XYLT1: variants seen among roughly 807,000 people sequenced by gnomAD.
The protein encoded by XYLT1 is beta-D-xylosyltransferase 1.
In XYLT1, 36 loss-of-function variants were observed where a neutral mutation model predicts 91.3. The observed-to-expected ratio is 0.39, with a 90% CI of 0.30 to 0.52. The LOEUF is 0.52. Among genes scored for constraint, XYLT1 ranks in the 20% least tolerant of loss-of-function variants. The probability of loss-of-function intolerance (pLI) is 0.68; values close to 1 mark genes in which losing one functional copy is unlikely to be tolerated. For missense variants in XYLT1, 1,242 were observed against 1,284.5 expected, an observed-to-expected ratio of 0.97 and a Z score of 0.51; for synonymous variants, 588 against 532.0, an observed-to-expected ratio of 1.11 and a Z score of -1.45.
chr16:17,189,553 G>A (rs1237237018), intron 5 of XYLT1, among the ~76,000 whole-genome samples: 1 of 152,230 alleles, frequency 6.6e-6, no homozygotes, highest in African/African-American at 2.4e-5. Context: ...GCTTTGGGAA[G>A]CTTCAGAATG....
chr16:17,280,987 G>A (rs72779629), intron 2 of XYLT1, among the ~76,000 whole-genome samples: 318 of 152,256 alleles, frequency 2.1e-3, no homozygotes, highest in Non-Finnish European at 3.4e-3. Flanking sequence ...GTGCCCACAC[G>A]GGAGATACTG....
intron 2 of XYLT1, among the ~76,000 whole-genome samples, chr16:17,274,465 G>A (rs913872417): frequency 1.3e-5 from 2 of 152,172 alleles, no homozygotes; most frequent in Admixed American, 6.5e-5. Flanking sequence ...ATGGGGCAGG[G>A]GAAAAGGATA....
Position 17,130,310 on chromosome 16 carries a change from G to GT in XYLT1, c.2028-2450dup, listed in dbSNP as rs545954098. Among the ~76,000 whole-genome samples the GT allele has an allele frequency of 2.2e-3, 334 of 152,318 alleles. 1 individual carries two copies. The highest frequency in any genetic ancestry group is 9.7e-3 in the South Asian group (47 of 4,834). ...CAAAACACTGATTTGGGAGTTGTTT[G>GT]TTTCACAGTGTTATCGTGACAATAG... On this transcript the variant is annotated intron_variant, in intron 9 of 11. Transcript: ENST00000261381.
At chr16:17,211,687 C>T (rs2032760197) in intron 3 of XYLT1, among the ~76,000 whole-genome samples, 1 of 152,192 alleles carries the variant, frequency 6.6e-6, no homozygotes, top group African/African-American at 2.4e-5. Context: ...GTTCTGACGT[C>T]AAATACCATG....
chr16:17,395,714 C>A (rs1164765537), intron 1 of XYLT1, among the ~76,000 whole-genome samples: 1 of 152,196 alleles, frequency 6.6e-6, no homozygotes, highest in Admixed American at 6.5e-5. Context: ...GGAGATCATT[C>A]ACAATATAAA....
At position 17,433,407 on chromosome 16, in the gene XYLT1, A is replaced by G. The variant is rs537516338; in HGVS notation, c.363+37027T>C. ...CAACATCCCCTTTTTGGGAAAAACAATATTTCCAGCAGATGGGAGAATCAT... is the reference window on the plus strand; with the variant it reads ...CAACATCCCCTTTTTGGGAAAAACAGTATTTCCAGCAGATGGGAGAATCAT... On this transcript the variant is annotated intron_variant, in intron 1 of 11. Coordinates refer to ENST00000261381, the MANE Select transcript of XYLT1 (RefSeq NM_022166.4). Among the ~76,000 whole-genome samples, 32 of 152,376 alleles carry G rather than the reference A, an allele frequency of 2.1e-4. No individual in the cohort carries two copies. In the South Asian group the frequency reaches 5.2e-3, roughly 25 times the overall value.
rs1025642590 is a variant in XYLT1 at position 17,312,683 on chromosome 16, A to G, written c.402+45329T>C. Among the ~76,000 whole-genome samples the G allele has an allele frequency of 6.6e-6, 1 of 152,150 alleles. No homozygotes were observed. Among genetic ancestry groups the G allele is most frequent in the Non-Finnish European group, 1.5e-5 (1 of 68,010 alleles). ...TACTCATGTGTGTATCCGTGATTCT[A>G]TTTACTGTTTAATCTTCACAGCAAT... On this transcript the variant is annotated intron_variant, in intron 2 of 11. Coordinates refer to ENST00000261381, the MANE Select transcript of XYLT1 (RefSeq NM_022166.4). This position sits in a 1 kb window ranked among gnomAD's most constrained non-coding sequence, Gnocchi z 4.4.
chr16:17,462,810 A>G (rs1294752687), intron 1 of XYLT1, among the ~76,000 whole-genome samples: 1 of 152,174 alleles, frequency 6.6e-6, no homozygotes, highest in Non-Finnish European at 1.5e-5. Context: ...GCCAATTTCA[A>G]CTTCCATTCT....
In XYLT1 at chr16:17,259,415, A is replaced by T; in HGVS notation, c.486T>A (p.Asn162Lys). Reference sequence around the variant, plus strand: ...TGGGTGCGAAGTTGCTGTTGTCGACATTCTCAAAGTCTTTGGGGACAGAGT... The same window carrying T: ...TGGGTGCGAAGTTGCTGTTGTCGACTTTCTCAAAGTCTTTGGGGACAGAGT... ...NENSVPKDFE[N>K]VDNSNFAPRT... The change falls in exon 3 of 12, where the codon AAT becomes AAA. Residue 162 changes from asparagine to lysine, a missense_variant. Physicochemically the swap from Asn to Lys is moderately conservative, Grantham distance 94. Transcript: ENST00000261381. 6.2e-7 allele frequency: 1 copy of T among 1,614,096 alleles called. No individual in the cohort carries two copies. The highest frequency in any genetic ancestry group is 8.5e-7 in the Non-Finnish European group (1 of 1,180,018).
At chr16:17,376,432 A>G (rs187783384) in intron 1 of XYLT1, among the ~76,000 whole-genome samples, 2 of 152,298 alleles carry the variant, frequency 1.3e-5, no homozygotes. Flanking sequence ...CAGCCACTCA[A>G]ACTAGAAGCC....
intron 1 of XYLT1, among the ~76,000 whole-genome samples, chr16:17,423,194 C>T (rs2036270297): frequency 6.7e-6 from 1 of 148,824 alleles, no homozygotes; most frequent in African/African-American, 2.6e-5. Flanking sequence ...CCCAAGATTC[C>T]ACCCTTAAAC....
In XYLT1 at chr16:17,259,115, C is replaced by A; in HGVS notation, c.786G>T (p.Lys262Asn). The A allele has an allele frequency of 1.3e-6, 2 of 1,574,528 alleles. No homozygotes were observed. The highest frequency in any genetic ancestry group is 1.7e-6 in the Non-Finnish European group (2 of 1,161,306). ...DQPPKCDISG[K>N]EAISALSRAK... ...CACGGGACAGGGCAGAGATGGCCTC[C>A]TTGCCTGAGATGTCACACTTAGGGG... Residue 262 changes from lysine to asparagine, a missense_variant, in exon 3 of 12, where the codon AAG becomes AAT. By Grantham distance (94) the Lys-to-Asn change is moderately conservative. This residue lies in a region of XYLT1 where 437 missense variants were observed against 411.5 expected (regional missense o/e 1.06). Coordinates refer to ENST00000261381, the MANE Select transcript of XYLT1 (RefSeq NM_022166.4).
In XYLT1 at chr16:17,190,348, G is replaced by A. The variant is rs575124340; in HGVS notation, c.1289+7864C>T. ...TTCAGGTACATGTGCACAACATGCAGGTTTGTTACATATGTATACATGTGC... is the reference window on the plus strand; with the variant it reads ...TTCAGGTACATGTGCACAACATGCAAGTTTGTTACATATGTATACATGTGC... On this transcript the variant is annotated intron_variant, in intron 5 of 11. Transcript: ENST00000261381. Among the ~76,000 whole-genome samples the A allele has an allele frequency of 1.6e-4, 25 of 152,096 alleles. No homozygotes were observed. In the South Asian group the frequency reaches 5.0e-3, roughly 30 times the overall value.
intron 2 of XYLT1, among the ~76,000 whole-genome samples, chr16:17,264,401 G>T (rs892671561): frequency 1.3e-5 from 2 of 152,206 alleles, no homozygotes; most frequent in Admixed American, 1.3e-4. Flanking sequence ...GCTGTATGTT[G>T]CAGGATTTTC....
In XYLT1 at chr16:17,200,747, T is replaced by C; in HGVS notation, c.914-93A>G. ...TTTCTCTGGTGCTTCTTTTGGGGAC[T>C]ATTTTAGGGGCACAGTCATCAAATT... On this transcript the variant is annotated intron_variant, in intron 3 of 11. Transcript: ENST00000261381. 2.9e-6 allele frequency: 4 copies of C among 1,395,188 alleles called. No individual in the cohort carries two copies. The Admixed American group carries it at 7.5e-5, about 26-fold the overall frequency. The allele number at this position is 1,395,188 out of a possible 1,614,324, so 86.4% of individuals were successfully genotyped here.
intron 7 of XYLT1, among the ~76,000 whole-genome samples, chr16:17,139,195 G>C (rs2030885751): frequency 6.6e-6 from 1 of 152,236 alleles, no homozygotes; most frequent in Admixed American, 6.5e-5. Context: ...CAGAGAGTGA[G>C]AGAAAGATTT....
At chr16:17,373,180 A>G (rs1382871779) in intron 1 of XYLT1, among the ~76,000 whole-genome samples, 1 of 152,176 alleles carries the variant, frequency 6.6e-6, no homozygotes, top group Non-Finnish European at 1.5e-5. Context: ...GAGAAGCAGA[A>G]TGCTCTCTGA....
intron 1 of XYLT1, among the ~76,000 whole-genome samples, chr16:17,463,473 C>T (rs1228724463): frequency 6.6e-6 from 1 of 152,136 alleles, no homozygotes; most frequent in Non-Finnish European, 1.5e-5. Context: ...TAAAAAAATG[C>T]ACAGCATCAC....
chr16:17,399,326 C>A (rs2035933910), intron 1 of XYLT1, among the ~76,000 whole-genome samples: 1 of 152,132 alleles, frequency 6.6e-6, no homozygotes, highest in African/African-American at 2.4e-5. Context: ...CCTTTCTGGG[C>A]AGAATGAGAG....
Sources: gnomAD v4.1 joint callset for allele counts (sites outside exome capture counted in the v4.1 genomes callset) on GRCh38, gnomAD v4.1.1 for gene constraint, gnomAD v4.1.1 regional missense constraint, Gnocchi (gnomAD v3.1) non-coding constraint, MANE v1.5 for transcripts, NCBI Gene and HGNC (gene_info 2026-07-23, HGNC 2026-07-21) for gene names.